The following EME2 variants were observed in gnomAD, a reference collection of about 807,000 sequenced individuals.
EME2 encodes the protein structure-specific endonuclease subunit EME2.
EME2 carries 58 observed loss-of-function variants against 41.9 expected under a neutral mutation model. That is an observed-to-expected ratio of 1.38 (90% CI 1.12 to 1.72). EME2 has a LOEUF of 1.72. Among genes scored for constraint, EME2 ranks in the 40% most tolerant of loss-of-function variants. The pLI, the probability that EME2 is intolerant of heterozygous loss-of-function variation, is 0.00. For missense variants in EME2, 695 were observed against 541.9 expected (o/e 1.28, Z -2.81); for synonymous variants, 334 against 239.3 (o/e 1.40, Z -3.65).
Position 1,777,902 on chromosome 16 carries a change from G to A in EME2, c.*1664G>A, listed in dbSNP as rs552189438. 52 of 1,611,716 alleles carry A rather than the reference G, an allele frequency of 3.2e-5. No individual in the cohort carries two copies. The highest frequency in any genetic ancestry group is 2.8e-4 in the Admixed American group (17 of 59,982). On this transcript the variant is annotated 3_prime_UTR_variant, in exon 8 of 8. Transcript: ENST00000568449. Reference sequence around the variant, plus strand: ...GGGCAGCCAGGGTCGCAGTGAGCCCGGGAGCTCCAGGCTCGGCCCCGCCCC... The same window carrying A: ...GGGCAGCCAGGGTCGCAGTGAGCCCAGGAGCTCCAGGCTCGGCCCCGCCCC...
chr16:1,778,175 A>G lies in EME2; in HGVS notation c.*1937A>G. 1 of 1,612,998 alleles carries G rather than the reference A, an allele frequency of 6.2e-7. No individual in the cohort carries two copies. The highest frequency in any genetic ancestry group is 8.5e-7 in the Non-Finnish European group (1 of 1,179,924). ...ACGGGAGAGGTCATCTTGATCTCCC[A>G]GAAGTGCTGGCCCTCCCCCAGCTCC... is the stretch of plus-strand genomic sequence containing the variant. On this transcript the variant is annotated 3_prime_UTR_variant, in exon 8 of 8. Coordinates refer to ENST00000568449, the MANE Select transcript of EME2 (RefSeq NM_001257370.2).
In EME2 at chr16:1,776,789, G is replaced by A. The variant is rs2042719460; in HGVS notation, c.*551G>A. ...GCGGGGCAGCCGCTGACAGCATGCA[G>A]AGCAAGTTAGGAAAAACCGAGGCCC... On this transcript the variant is annotated 3_prime_UTR_variant, in exon 8 of 8. Coordinates refer to ENST00000568449, the MANE Select transcript of EME2 (RefSeq NM_001257370.2). The A allele has an allele frequency of 6.3e-6, 3 of 479,538 alleles. No homozygotes were observed. The South Asian group carries it at 8.9e-5, about 14-fold the overall frequency. 29.7% of individuals were successfully genotyped at this position (479,538 alleles called of 1,614,324 possible).
chr16:1,774,999 C>T, intron 3 of EME2, 42 bp from the exon 4 acceptor site: 1 of 1,535,242 alleles, frequency 6.5e-7, no homozygotes, highest in Non-Finnish European at 8.9e-7. Flanking sequence ...CCATAGGCCG[C>T]AGCCTCCTGT....
In EME2 at chr16:1,781,278, T is replaced by C. The variant is rs1896698476; in HGVS notation, c.*5040T>C. The C allele has an allele frequency of 6.2e-7, 1 of 1,611,480 alleles. No individual in the cohort carries two copies. Among genetic ancestry groups the C allele is most frequent in the Admixed American group, 1.7e-5 (1 of 59,986 alleles). On this transcript the variant is annotated 3_prime_UTR_variant, in exon 8 of 8. Transcript: ENST00000568449. ...ATCTTTTTCTCCGACTGATTCCGTG[T>C]TCAGGTAATGTCTGCCTGCCTGCCT...
Position 1,778,045 on chromosome 16 carries a change from C to T in EME2, c.*1807C>T. The T allele has an allele frequency of 6.2e-7, 1 of 1,613,228 alleles. No homozygotes were observed. The highest frequency in any genetic ancestry group is 8.5e-7 in the Non-Finnish European group (1 of 1,179,992). ...TCCACATCCGACGTCCCGATGCCCA[C>T]CATCTAGGAACAGGGGCCAGGCAGA... On this transcript the variant is annotated 3_prime_UTR_variant, in exon 8 of 8. Transcript: ENST00000568449.
rs797017582 is a variant in EME2, at chr16:1,773,935, G to A, written c.384+94G>A. On this transcript the variant is annotated intron_variant, in intron 2 of 7. Transcript: ENST00000568449. ...GAGCTGTCCCTGAGGCAGCTGCCCT[G>A]GGCCGTGCGCGTCTCGCGGATGGGT... 48 of 1,414,134 alleles carry A rather than the reference G, an allele frequency of 3.4e-5. No homozygotes were observed. The African/African-American group carries it at 6.0e-4, about 18-fold the overall frequency. The allele number at this position is 1,414,134 out of a possible 1,614,324, so 87.6% of individuals were successfully genotyped here.
rs1327769876 is a variant in EME2, at chr16:1,778,447, C to G, written c.*2209C>G. On this transcript the variant is annotated 3_prime_UTR_variant, in exon 8 of 8. Transcript: ENST00000568449. ...GCCCCACGCTCACACTCGTCTTCCTCTCCGCAGCGGCAGTCCCTGCCCCGG... is the reference window on the plus strand; with the variant it reads ...GCCCCACGCTCACACTCGTCTTCCTGTCCGCAGCGGCAGTCCCTGCCCCGG... The G allele has an allele frequency of 6.2e-7, 1 of 1,609,828 alleles. No homozygotes were observed. The highest frequency in any genetic ancestry group is 8.5e-7 in the Non-Finnish European group (1 of 1,178,458).
chr16:1,774,141 C>A (rs1439125131), intron 2 of EME2, 119 bp from the exon 3 acceptor site: 1 of 900,528 alleles, frequency 1.1e-6, no homozygotes, highest in Non-Finnish European at 1.8e-6. Flanking sequence ...GTAGAGCAGG[C>A]CTGTCAGGGC....
At position 1,781,625 on chromosome 16, in the gene EME2, A is replaced by T; in HGVS notation, c.*5387A>T. On this transcript the variant is annotated 3_prime_UTR_variant, in exon 8 of 8. Transcript: ENST00000568449. ...CGCACCGGTGCCCAGCCAGGGCTCC[A>T]GAACGCTTCAGGAGCCCGTACCTCA... 3 of 960,348 alleles carry T rather than the reference A, an allele frequency of 3.1e-6. No homozygotes were observed. The highest frequency in any genetic ancestry group is 1.7e-5 in the South Asian group (1 of 58,560). The allele number at this position is 960,348 out of a possible 1,614,324, so 59.5% of individuals were successfully genotyped here.
In EME2 at chr16:1,775,062, G is replaced by GTGCCCTGGA. The variant is rs769491590; in HGVS notation, c.501_509dup (p.Trp169_Ile170insMetProTrp). 31 of 1,610,110 alleles carry GTGCCCTGGA rather than the reference G, an allele frequency of 1.9e-5. No homozygotes were observed. Among genetic ancestry groups the GTGCCCTGGA allele is most frequent in the Non-Finnish European group, 2.6e-5 (31 of 1,179,914 alleles). On this transcript the variant is annotated inframe_insertion, in exon 4 of 8. Transcript: ENST00000568449. ...TCAGATCTCTGGCCCAACCCACTGG[G>GTGCCCTGGA]TGCCCTGGATCTCCCCCGAGACCAC...
rs1298838319 is a variant in EME2, at chr16:1,779,599, G to A, written c.*3361G>A. The A allele has an allele frequency of 6.6e-6, 1 of 152,318 alleles. No individual in the cohort carries two copies. The highest frequency in any genetic ancestry group is 2.4e-5 in the African/African-American group (1 of 41,446). The allele number at this position is 152,318 out of a possible 1,614,324, so 9.4% of individuals were successfully genotyped here. On this transcript the variant is annotated 3_prime_UTR_variant, in exon 8 of 8. Transcript: ENST00000568449. Reference sequence around the variant, plus strand: ...CCAGACAACTCTACCCCACTGCCTAGAAGTGCGGGTCCCCAGAGCCAGGGT... The same window carrying A: ...CCAGACAACTCTACCCCACTGCCTAAAAGTGCGGGTCCCCAGAGCCAGGGT...
Position 1,778,377 on chromosome 16 carries a change from GC to G in EME2, c.*2142del. The G allele has an allele frequency of 6.2e-7, 1 of 1,607,870 alleles. No individual in the cohort carries two copies. The highest frequency in any genetic ancestry group is 8.5e-7 in the Non-Finnish European group (1 of 1,177,958). ...TGAGAGCTCCATGGGGCTCTGCCCT[GC>G]CCACCCCCAGGCCCGCCCGCAGTGC... On this transcript the variant is annotated 3_prime_UTR_variant, in exon 8 of 8. Transcript: ENST00000568449.
Position 1,777,371 on chromosome 16 carries a change from A to G in EME2, c.*1133A>G. 1 of 1,603,328 alleles carries G rather than the reference A, an allele frequency of 6.2e-7. No individual in the cohort carries two copies. Among genetic ancestry groups the G allele is most frequent in the African/African-American group, 1.3e-5 (1 of 74,974 alleles). On this transcript the variant is annotated 3_prime_UTR_variant, in exon 8 of 8. Transcript: ENST00000568449. The stretch of plus-strand genomic sequence containing the variant: ...GCTGGCACAGGAGCGGGTGACCTTC[A>G]TGCTGCTCCGGGCCGCCGTGGAGCA...
intron 4 of EME2, 37 bp downstream of exon 4, chr16:1,775,169 G>A (rs558406956): frequency 1.6e-5 from 26 of 1,606,096 alleles, no homozygotes; most frequent in Admixed American, 3.3e-5. Context: ...AGGGCTGGCT[G>A]GGACGGGGGT....
Position 1,781,581 on chromosome 16 carries a change from A to C in EME2, c.*5343A>C. The C allele has an allele frequency of 6.9e-7, 1 of 1,446,068 alleles. No individual in the cohort carries two copies. Among genetic ancestry groups the C allele is most frequent in the Non-Finnish European group, 9.4e-7 (1 of 1,066,222 alleles). The allele number at this position is 1,446,068 out of a possible 1,614,324, so 89.6% of individuals were successfully genotyped here. On this transcript the variant is annotated 3_prime_UTR_variant, in exon 8 of 8. Coordinates refer to ENST00000568449, the MANE Select transcript of EME2 (RefSeq NM_001257370.2). ...CCAGGCTGGGCCACGGACCCACTCA[A>C]AGTGGGGACTGCAGGGGCCGCACCG...
intron 4 of EME2, 43 bp downstream of exon 4, chr16:1,775,175 G>A (rs199824896): frequency 3.1e-6 from 5 of 1,601,334 alleles, no homozygotes; most frequent in South Asian, 1.1e-5. Flanking sequence ...GGCTGGGACG[G>A]GGGTTCAGGG....
intron 4 of EME2, 84 bp from the exon 5 acceptor site, chr16:1,775,231 T>C (rs1567227675): frequency 2.5e-6 from 4 of 1,582,042 alleles, no homozygotes; most frequent in Middle Eastern, 1.7e-4. Context: ...CTGATCCCAC[T>C]TCTCCAGGTG....
At chr16:1,774,936 C>A (rs959017555) in intron 3 of EME2, 105 bp from the exon 4 acceptor site, 2 of 880,032 alleles carry the variant, frequency 2.3e-6, no homozygotes, top group Non-Finnish European at 3.6e-6. Context: ...GCACCACTGG[C>A]TCTTTTTCAG....
At position 1,781,248 on chromosome 16, in the gene EME2, G is replaced by A; in HGVS notation, c.*5010G>A. 6.2e-7 allele frequency: 1 copy of A among 1,603,300 alleles called. No homozygotes were observed. Among genetic ancestry groups the A allele is most frequent in the East Asian group, 2.2e-5 (1 of 44,726 alleles). On this transcript the variant is annotated 3_prime_UTR_variant, in exon 8 of 8. Transcript: ENST00000568449. ...GGTTTGGACTGGTCCTCTAGCCTCA[G>A]AAGCATCTTTTTCTCCGACTGATTC...
Sources: gnomAD v4.1 joint callset for allele counts on GRCh38, gnomAD v4.1.1 for gene constraint, MANE v1.5 for transcripts, NCBI Gene and HGNC (gene_info 2026-07-23, HGNC 2026-07-21) for gene names.